NAALADL2: variants seen among roughly 807,000 people sequenced by gnomAD.
NAALADL2 encodes the protein inactive N-acetylated-alpha-linked acidic dipeptidase-like protein 2.
Under a neutral mutation model 87.2 loss-of-function variants are expected in NAALADL2, and 76 were observed. That is an observed-to-expected ratio of 0.87 (90% CI 0.72 to 1.05). The LOEUF (loss-of-function observed/expected upper bound fraction) is 1.05. Ranked by LOEUF, NAALADL2 falls within the 50% of genes least tolerant of loss-of-function variation. The pLI, the probability that NAALADL2 is intolerant of heterozygous loss-of-function variation, is 0.00. For synonymous variants in NAALADL2, 354 were observed against 331.0 expected, an observed-to-expected ratio of 1.07 and a Z score of -0.75; for missense variants, 1,089 against 945.8, an observed-to-expected ratio of 1.15 and a Z score of -1.99.
At position 175,366,101 on chromosome 3, in the gene NAALADL2, A is replaced by G. The variant is rs1330621578; in HGVS notation, c.1090+41776A>G. Among the ~76,000 whole-genome samples the G allele has an allele frequency of 4.6e-5, 6 of 130,096 alleles. 2 individuals carry two copies. Among genetic ancestry groups the G allele is most frequent in the Non-Finnish European group, 9.7e-5 (6 of 62,020 alleles). The allele number at this position is 130,096 out of a possible 152,430, so 85.3% of individuals were successfully genotyped here. On this transcript the variant is annotated intron_variant, in intron 5 of 13. Transcript: ENST00000454872. The stretch of plus-strand genomic sequence containing the variant: ...TCAATTCCCATCTGTGAGTGAGAAC[A>G]TGCAGTGTTTGGTTTTTTGTCCTTG...
At chr3:174,806,290 C>T (rs1302573081) in intron 3 of NAALADL2, among the ~76,000 whole-genome samples, 1 of 152,190 alleles carries the variant, frequency 6.6e-6, no homozygotes, top group Admixed American at 6.5e-5. Context: ...CAATTATTGC[C>T]TCAGCCAACA....
chr3:175,662,321 C>G (rs1339822467), intron 11 of NAALADL2, among the ~76,000 whole-genome samples: 1 of 151,888 alleles, frequency 6.6e-6, no homozygotes, highest in East Asian at 1.9e-4. Flanking sequence ...AGAAAAGCTA[C>G]TGATTTTTGT....
At chr3:175,682,501 G>A (rs111991079) in intron 11 of NAALADL2, among the ~76,000 whole-genome samples, 16 of 151,962 alleles carry the variant, frequency 1.1e-4, no homozygotes, top group African/African-American at 3.9e-4. Flanking sequence ...AAATATGAAA[G>A]AGCAGCTACT....
At chr3:174,999,321 G>A (rs1747926018) in intron 1 of NAALADL2, among the ~76,000 whole-genome samples, 1 of 152,138 alleles carries the variant, frequency 6.6e-6, no homozygotes, top group African/African-American at 2.4e-5. Context: ...GGGGAAAATT[G>A]TATGTTTAAA....
At chr3:175,729,194 CT>C (rs1743335149) in intron 11 of NAALADL2, among the ~76,000 whole-genome samples, 1 of 152,140 alleles carries the variant, frequency 6.6e-6, no homozygotes, top group African/African-American at 2.4e-5. Flanking sequence ...GGACTTATCT[CT>C]AACAGGAAAG....
chr3:174,632,066 G>A (rs1446263318), intron 2 of NAALADL2: 1 of 152,184 alleles, frequency 6.6e-6, no homozygotes, highest in African/African-American at 2.4e-5. Context: ...TAAATCTGTA[G>A]AACAAAATAG....
At chr3:175,532,744 G>C (rs929944554) in intron 9 of NAALADL2, among the ~76,000 whole-genome samples, 1 of 152,176 alleles carries the variant, frequency 6.6e-6, no homozygotes, top group Admixed American at 6.5e-5. Flanking sequence ...CTGCCACTTT[G>C]GTATCCAATT....
intron 5 of NAALADL2, among the ~76,000 whole-genome samples, chr3:175,381,145 T>C (rs1189401579): frequency 6.6e-6 from 1 of 151,884 alleles, no homozygotes; most frequent in Non-Finnish European, 1.5e-5. Context: ...TAAAATATAA[T>C]TTAGTATCCA....
chr3:174,998,457 T>C (rs1267421374), intron 1 of NAALADL2, among the ~76,000 whole-genome samples: 4 of 152,228 alleles, frequency 2.6e-5, no homozygotes, highest in African/African-American at 2.4e-5. Flanking sequence ...CTGCAGTAGA[T>C]AGACTGATGG....
At chr3:175,741,104 T>C (rs1053672208) in intron 12 of NAALADL2, among the ~76,000 whole-genome samples, 2 of 146,700 alleles carry the variant, frequency 1.4e-5, no homozygotes, top group African/African-American at 5.5e-5. Flanking sequence ...AGTTAGGAAC[T>C]GTCATAGTCC....
intron 2 of NAALADL2, among the ~76,000 whole-genome samples, chr3:175,100,667 G>A (rs774119888): frequency 1.3e-5 from 2 of 151,880 alleles, no homozygotes; most frequent in African/African-American, 2.4e-5. Flanking sequence ...GCGAAACTCC[G>A]TCTCTACTAA....
intron 10 of NAALADL2, among the ~76,000 whole-genome samples, chr3:175,603,250 T>C (rs1384117429): frequency 2.0e-5 from 3 of 152,190 alleles, no homozygotes; most frequent in African/African-American, 7.2e-5. Context: ...AATGCATTTA[T>C]TTAGAATATT....
chr3:174,882,636 C>G (rs577929092), intron 1 of NAALADL2, among the ~76,000 whole-genome samples: 1 of 88,538 alleles, frequency 1.1e-5, no homozygotes, highest in East Asian at 4.0e-4. Context: ...TGTGCATATA[C>G]ACATATGTGC....
At chr3:175,045,089 T>C (rs947609202) in intron 1 of NAALADL2, among the ~76,000 whole-genome samples, 2 of 152,146 alleles carry the variant, frequency 1.3e-5, no homozygotes, top group Non-Finnish European at 2.9e-5. Flanking sequence ...TTTGCCTTTG[T>C]TGATAAGAAC....
intron 11 of NAALADL2, among the ~76,000 whole-genome samples, chr3:175,706,427 C>T (rs1488669883): frequency 6.6e-6 from 1 of 152,044 alleles, no homozygotes; most frequent in Non-Finnish European, 1.5e-5. Context: ...GCAATTCTAA[C>T]AATAATAAAG....
chr3:175,458,079 G>T (rs570448371), intron 6 of NAALADL2, among the ~76,000 whole-genome samples: 1 of 151,996 alleles, frequency 6.6e-6, no homozygotes, highest in East Asian at 1.9e-4. Context: ...TATTCTTCGG[G>T]TATTTCTTTA....
chr3:174,798,902 G>A (rs1038104332), intron 3 of NAALADL2, among the ~76,000 whole-genome samples: 2 of 152,096 alleles, frequency 1.3e-5, no homozygotes, highest in African/African-American at 4.8e-5. Context: ...AGGAGTGGTG[G>A]CTCACGCCTG....
At chr3:174,812,149 T>C (rs1046498779) in intron 3 of NAALADL2, among the ~76,000 whole-genome samples, 10 of 152,210 alleles carry the variant, frequency 6.6e-5, no homozygotes, top group Non-Finnish European at 1.5e-4. Flanking sequence ...TCAGTGTTTT[T>C]TTTAATAGCA....
At chr3:174,684,008 A>T (rs1727802141) in intron 2 of NAALADL2, among the ~76,000 whole-genome samples, 1 of 151,928 alleles carries the variant, frequency 6.6e-6, no homozygotes, top group Non-Finnish European at 1.5e-5. Context: ...ACATTTAGGG[A>T]ATATATAGGC....
Sources: allele counts gnomAD v4.1 joint callset (sites outside exome capture counted in the v4.1 genomes callset), GRCh38; gene constraint gnomAD v4.1.1; transcripts MANE v1.5; gene names NCBI Gene and HGNC (gene_info 2026-07-23, HGNC 2026-07-21).